The following GLRB variants were observed in gnomAD, a reference collection of about 807,000 sequenced individuals.
GLRB encodes the protein glycine receptor beta, also known as glycine receptor subunit beta.
A neutral mutation model predicts 54.2 loss-of-function variants in GLRB; 33 were observed. That is an observed-to-expected ratio of 0.61 (90% confidence interval 0.46 to 0.81). The LOEUF is 0.81. Among genes scored for constraint, GLRB ranks in the 40% least tolerant of loss-of-function variants. The pLI is 0.00. For synonymous variants in GLRB, 209 were observed against 208.2 expected, an observed-to-expected ratio of 1.00 and a Z score of -0.03; for missense variants, 572 against 584.6, an observed-to-expected ratio of 0.98 and a Z score of 0.22.
intron 2 of GLRB, among the ~76,000 whole-genome samples, chr4:157,091,166 T>A (rs1734596040): frequency 6.6e-6 from 1 of 152,210 alleles, no homozygotes; most frequent in African/African-American, 2.4e-5. Context: ...AATTTTCAGG[T>A]AATGTTTTTG....
intron 4 of GLRB, among the ~76,000 whole-genome samples, chr4:157,132,056 C>T (rs1042645887): frequency 4.6e-5 from 7 of 151,716 alleles, no homozygotes. Context: ...TTTTCCACAT[C>T]CTTGCGTTCG....
Position 157,148,718 on chromosome 4 carries a change from A to G in GLRB, c.905-4000A>G, listed in dbSNP as rs1225453592. Among the ~76,000 whole-genome samples the G allele has an allele frequency of 3.3e-5, 5 of 152,068 alleles. No individual in the cohort carries two copies. The South Asian group carries it at 6.2e-4, about 19-fold the overall frequency. On this transcript the variant is annotated intron_variant, in intron 8 of 9. Transcript: ENST00000264428. ...TCAGAGAATATACTCACGGATTTCA[A>G]TTCTTTTATGTGTGTTGAGATTTTT... is the stretch of plus-strand genomic sequence containing the variant.
At chr4:157,124,140 C>A (rs914125668) in intron 4 of GLRB, among the ~76,000 whole-genome samples, 1 of 151,606 alleles carries the variant, frequency 6.6e-6, no homozygotes, top group Non-Finnish European at 1.5e-5. Context: ...TAAAATATTT[C>A]ATCATTTCTA....
chr4:157,108,441 A>AG (rs144549475), intron 2 of GLRB, among the ~76,000 whole-genome samples: 21,640 of 152,050 alleles, frequency 0.14, 1,703 homozygotes, highest in East Asian at 0.28. Flanking sequence ...GTTGATTATA[A>AG]CTTTTTTGGA....
chr4:157,097,491 C>G (rs1306418825), intron 2 of GLRB, among the ~76,000 whole-genome samples: 1 of 152,098 alleles, frequency 6.6e-6, no homozygotes, highest in Non-Finnish European at 1.5e-5. Context: ...AAGTATAGAA[C>G]AAATGTTTGC....
chr4:157,096,626 T>C (rs143043970), intron 2 of GLRB, among the ~76,000 whole-genome samples: 1 of 152,296 alleles, frequency 6.6e-6, no homozygotes, highest in East Asian at 1.9e-4. Context: ...TTGCCTCCTA[T>C]AGCCTGAGTG....
intron 9 of GLRB, among the ~76,000 whole-genome samples, chr4:157,168,051 G>C (rs575297191): frequency 6.6e-6 from 1 of 152,012 alleles, no homozygotes; most frequent in Non-Finnish European, 1.5e-5. Context: ...CTCCAACACC[G>C]GGAGTCACAT....
rs1384660918 is a variant in GLRB at position 157,143,881 on chromosome 4, C to A, written c.826C>A (p.Pro276Thr). The A allele has an allele frequency of 7.4e-6, 12 of 1,613,754 alleles. No homozygotes were observed. The highest frequency in any genetic ancestry group is 1.0e-5 in the Non-Finnish European group (12 of 1,179,944). The stretch of plus-strand genomic sequence containing the variant: ...CTTTTACATGATGGGGGTCTACGCC[C>A]CAACTCTGCTCATTGTTGTTCTCTC... ...VGFYMMGVYAPTLLIVVLSWL... is the reference protein window; with the variant it reads ...VGFYMMGVYATTLLIVVLSWL... The change falls in exon 8 of 10, where the codon CCA becomes ACA. Residue 276 changes from proline to threonine, a missense_variant. By Grantham distance (38) the Pro-to-Thr change is conservative. Coordinates refer to ENST00000264428, the MANE Select transcript of GLRB (RefSeq NM_000824.5).
intron 9 of GLRB, among the ~76,000 whole-genome samples, chr4:157,160,426 G>T (rs1450967088): frequency 6.6e-6 from 1 of 151,976 alleles, no homozygotes; most frequent in Non-Finnish European, 1.5e-5. Flanking sequence ...TGTGATGTTA[G>T]GGTGTCAATT....
intron 4 of GLRB, among the ~76,000 whole-genome samples, chr4:157,129,561 T>C (rs188608302): frequency 6.6e-6 from 1 of 151,926 alleles, no homozygotes; most frequent in East Asian, 1.9e-4. Flanking sequence ...GGAATCATAG[T>C]ATTATATGGC....
At chr4:157,141,743 A>T (rs1736620306) in intron 7 of GLRB, among the ~76,000 whole-genome samples, 3 of 152,080 alleles carry the variant, frequency 2.0e-5, no homozygotes, top group Admixed American at 6.6e-5. Flanking sequence ...ATAAAATTTT[A>T]TGGAGCAAAT....
chr4:157,077,793 T>C (rs942512321), intron 1 of GLRB, among the ~76,000 whole-genome samples: 1 of 151,190 alleles, frequency 6.6e-6, no homozygotes. Context: ...TGACTTTTAC[T>C]GCTATATAAA....
At chr4:157,123,307 G>A (rs1360345571) in intron 4 of GLRB, among the ~76,000 whole-genome samples, 1 of 151,592 alleles carries the variant, frequency 6.6e-6, no homozygotes, top group East Asian at 1.9e-4. Context: ...ATTTTCCTGA[G>A]AATATCTCAG....
intron 2 of GLRB, among the ~76,000 whole-genome samples, chr4:157,100,519 G>C (rs1287573374): frequency 6.6e-6 from 1 of 152,020 alleles, no homozygotes; most frequent in African/African-American, 2.4e-5. Flanking sequence ...TCCTGTTCTA[G>C]TCTTGTTCTT....
rs190901775 is a variant in GLRB at position 157,159,193 on chromosome 4, C to T, written c.1197+6183C>T. Among the ~76,000 whole-genome samples, 17 of 152,256 alleles carry T rather than the reference C, an allele frequency of 1.1e-4. No individual in the cohort carries two copies. The South Asian group carries it at 3.5e-3, about 32-fold the overall frequency. On this transcript the variant is annotated intron_variant, in intron 9 of 9. Coordinates refer to ENST00000264428, the MANE Select transcript of GLRB (RefSeq NM_000824.5). ...TGCACGTAGATTTTGTATCCTGAGA[C>T]TTTGCTGAAGTTGCTTATCAGCTTA...
At chr4:157,080,334 T>C (rs746625450) in intron 2 of GLRB, among the ~76,000 whole-genome samples, 10 of 152,160 alleles carry the variant, frequency 6.6e-5, no homozygotes, top group Non-Finnish European at 1.3e-4. Flanking sequence ...ACATTATAGG[T>C]TTTTTAAAAA....
intron 9 of GLRB, among the ~76,000 whole-genome samples, chr4:157,162,100 C>T (rs768657972): frequency 1.3e-5 from 2 of 152,164 alleles, no homozygotes; most frequent in Non-Finnish European, 2.9e-5. Flanking sequence ...ATCACTGATA[C>T]CCTTTCTTCC....
chr4:157,087,731 A>G (rs780978692), intron 2 of GLRB, among the ~76,000 whole-genome samples: 24 of 152,050 alleles, frequency 1.6e-4, no homozygotes, highest in Non-Finnish European at 3.2e-4. Flanking sequence ...AATTGTCTGC[A>G]TTCTTAGCCT....
At chr4:157,135,505 C>T (rs1001573459) in intron 4 of GLRB, among the ~76,000 whole-genome samples, 6 of 151,996 alleles carry the variant, frequency 3.9e-5, no homozygotes, top group Non-Finnish European at 2.9e-5. Flanking sequence ...CTCATGAGAT[C>T]TCATGGTTTT....
Sources: allele counts gnomAD v4.1 joint callset (sites outside exome capture counted in the v4.1 genomes callset), GRCh38; gene constraint gnomAD v4.1.1; transcripts MANE v1.5; gene names NCBI Gene and HGNC (gene_info 2026-07-23, HGNC 2026-07-21).